ERBIN: variants seen among roughly 807,000 people sequenced by gnomAD.
The protein encoded by ERBIN is erbb2 interacting protein.
ERBIN carries 60 observed loss-of-function variants against 158.4 expected under a neutral mutation model. The ratio of observed to expected loss-of-function variants is 0.38; its 90% CI spans 0.31 to 0.47. The LOEUF (loss-of-function observed/expected upper bound fraction) is 0.47, where lower values mean the gene tolerates loss of function less well. Among genes scored for constraint, ERBIN ranks in the 20% least tolerant of loss-of-function variants. The probability of loss-of-function intolerance (pLI) is 0.99; values close to 1 mark genes in which losing one functional copy is unlikely to be tolerated. For missense variants in ERBIN, 1,610 were observed against 1,648.0 expected, an observed-to-expected ratio of 0.98 and a Z score of 0.40; for synonymous variants, 594 against 557.2, an observed-to-expected ratio of 1.07 and a Z score of -0.93.
rs769731098 is a variant in ERBIN at position 66,050,852 on chromosome 5, G to C, written c.1973G>C (p.Cys658Ser). 4.4e-6 allele frequency: 7 copies of C among 1,601,828 alleles called. No homozygotes were observed. In the Admixed American group the frequency reaches 8.7e-5, roughly 20 times the overall value. Residue 658 changes from cysteine to serine, a missense_variant, in exon 20 of 26, where the codon TGT becomes TCT. Transcript: ENST00000284037. The stretch of plus-strand genomic sequence containing the variant: ...AATAGCAATCAGAATAACAGCAATT[G>C]TTCTTCTCCATCTCGGATGTCTGAT... ...THNSNQNNSN[C>S]SSPSRMSDSV...
At chr5:65,976,209 T>TA (rs1294387987) in intron 1 of ERBIN, among the ~76,000 whole-genome samples, 3 of 152,148 alleles carry the variant, frequency 2.0e-5, no homozygotes, top group African/African-American at 7.2e-5. Flanking sequence ...CACAGTGGCT[T>TA]ACACCTATAA....
intron 14 of ERBIN, among the ~76,000 whole-genome samples, chr5:66,032,220 A>G (rs1259037423): frequency 6.6e-6 from 1 of 152,202 alleles, no homozygotes; most frequent in Non-Finnish European, 1.5e-5. Flanking sequence ...TATGCCATGC[A>G]GAGGAACCTG....
intron 18 of ERBIN, among the ~76,000 whole-genome samples, chr5:66,047,274 A>C (rs1758537430): frequency 6.6e-6 from 1 of 152,090 alleles, no homozygotes; most frequent in Non-Finnish European, 1.5e-5. Flanking sequence ...TAATGTGTTC[A>C]AGTTTTTGTA....
In ERBIN at chr5:66,026,203, TGTGAA is replaced by T. The variant is rs1290409352; in HGVS notation, c.1021-96_1021-92del. 6.4e-6 allele frequency: 5 copies of T among 782,834 alleles called. No homozygotes were observed. In the African/African-American group the frequency reaches 9.1e-5, roughly 14 times the overall value. The allele number at this position is 782,834 out of a possible 1,614,324, so 48.5% of individuals were successfully genotyped here. A position where few individuals can be genotyped will look rare whatever the true frequency, so the allele number is the denominator to read the frequency against. On this transcript the variant is annotated intron_variant, in intron 12 of 25. Transcript: ENST00000284037. ...GTCTAGTCATTATTTCTTCTATAAA[TGTGAA>T]GTATTTTTCATAACTTTCAAAAATG...
Position 65,992,909 on chromosome 5 carries a change from T to C in ERBIN, c.189+2T>C, listed in dbSNP as rs1213554425. 6.4e-7 allele frequency: 1 copy of C among 1,570,236 alleles called. No homozygotes were observed. Among genetic ancestry groups the C allele is most frequent in the African/African-American group, 1.4e-5 (1 of 72,928 alleles). ...AATCAGATTGAAGAGCTTCCAAAGG[T>C]ATGCTAATACTTTCTTTCAAGAATT... On this transcript the variant is annotated splice_donor_variant, in intron 3 of 25. Coordinates refer to ENST00000284037, the MANE Select transcript of ERBIN (RefSeq NM_001253697.2). LOFTEE classifies it high-confidence loss of function.
At chr5:65,976,221 C>T (rs2150999288) in intron 1 of ERBIN, among the ~76,000 whole-genome samples, 1 of 152,316 alleles carries the variant, frequency 6.6e-6, no homozygotes, top group Admixed American at 6.5e-5. Flanking sequence ...CACCTATAAT[C>T]CCAGCACTTT....
intron 1 of ERBIN, among the ~76,000 whole-genome samples, chr5:65,944,470 C>T (rs1469063569): frequency 2.0e-5 from 3 of 152,044 alleles, no homozygotes; most frequent in South Asian, 2.1e-4. Context: ...GGTGCAATCT[C>T]GGCTCACTGC....
At chr5:66,033,507 G>A (rs1757100651) in intron 14 of ERBIN, among the ~76,000 whole-genome samples, 3 of 152,146 alleles carry the variant, frequency 2.0e-5, no homozygotes, top group Admixed American at 2.0e-4. Flanking sequence ...GAAGGAAGAA[G>A]TTGTTAATAG....
At position 66,053,969 on chromosome 5, in the gene ERBIN, A is replaced by T; in HGVS notation, c.2651A>T (p.Tyr884Phe). The T allele has an allele frequency of 6.2e-7, 1 of 1,614,136 alleles. No homozygotes were observed. Among genetic ancestry groups the T allele is most frequent in the Non-Finnish European group, 8.5e-7 (1 of 1,180,022 alleles). ...TNMEIGGLKIYDILSDNGPQQ... is the reference protein window; with the variant it reads ...TNMEIGGLKIFDILSDNGPQQ... ...ATGGAGATTGGAGGGCTAAAAATCT[A>T]TGATATTCTTAGTGATAATGGACCT... The change falls in exon 21 of 26, where the codon TAT (tyrosine) becomes TTT (phenylalanine). Residue 884 changes from tyrosine to phenylalanine, a missense_variant. Physicochemically the swap from Tyr to Phe is conservative, Grantham distance 22. Transcript: ENST00000284037.
At chr5:66,074,533 T>G (rs1322633392) in intron 22 of ERBIN, among the ~76,000 whole-genome samples, 1 of 152,138 alleles carries the variant, frequency 6.6e-6, no homozygotes, top group African/African-American at 2.4e-5. Context: ...AAAAATAAAT[T>G]TGGAAAGAAT....
intron 1 of ERBIN, among the ~76,000 whole-genome samples, chr5:65,977,189 G>T (rs1237333880): frequency 6.9e-6 from 1 of 144,908 alleles, no homozygotes; most frequent in East Asian, 2.0e-4. Flanking sequence ...CTGGCCGGGC[G>T]GGGGGCTGAC....
intron 1 of ERBIN, among the ~76,000 whole-genome samples, chr5:65,983,998 C>G (rs909638104): frequency 6.6e-6 from 1 of 152,212 alleles, no homozygotes; most frequent in Non-Finnish European, 1.5e-5. Flanking sequence ...CCCCAGCCAG[C>G]TGCCCTTCTC....
In ERBIN at chr5:66,076,332, A is replaced by T. The variant is rs762185742; in HGVS notation, c.3980A>T (p.Glu1327Val). 1 of 1,613,376 alleles carries T rather than the reference A, an allele frequency of 6.2e-7. No homozygotes were observed. Residue 1327 changes from glutamate (E) to valine (V), a missense_variant, in exon 24 of 26, where the codon GAA becomes GTA. Physicochemically the swap from Glu to Val is moderately radical, Grantham distance 121. This residue lies in a region of ERBIN where 1,014 missense variants were observed against 936.1 expected (regional missense o/e 1.08). Coordinates refer to ENST00000284037, the MANE Select transcript of ERBIN (RefSeq NM_001253697.2). ...TTAACTCAGATTCGAGTGAGGGTTG[A>T]AAAGGATCCAGAACTTGGATTTAGC... ...LAKQEIRVRV[E>V]KDPELGFSIS...
chr5:66,009,572 T>C (rs1304265034), intron 4 of ERBIN, among the ~76,000 whole-genome samples: 1 of 152,182 alleles, frequency 6.6e-6, no homozygotes, highest in African/African-American at 2.4e-5. Context: ...TTTGGAGAGT[T>C]AAATTTCATT....
At chr5:65,944,048 G>T (rs1745424734) in intron 1 of ERBIN, among the ~76,000 whole-genome samples, 2 of 152,092 alleles carry the variant, frequency 1.3e-5, no homozygotes, top group Non-Finnish European at 2.9e-5. Context: ...ATTCATCTGT[G>T]GGTAGACACT....
At chr5:66,000,051 C>A (rs1752863654) in intron 4 of ERBIN, among the ~76,000 whole-genome samples, 1 of 152,152 alleles carries the variant, frequency 6.6e-6, no homozygotes, top group African/African-American at 2.4e-5. Flanking sequence ...CTTTAGAAGT[C>A]ATCACATCTA....
chr5:66,044,591 C>A (rs1758228058), intron 17 of ERBIN, among the ~76,000 whole-genome samples: 1 of 151,094 alleles, frequency 6.6e-6, no homozygotes, highest in Admixed American at 6.6e-5. Flanking sequence ...ATGGTGAAAC[C>A]CCATCTCAAC....
intron 25 of ERBIN, 100 bp downstream of exon 25, chr5:66,077,049 G>A: frequency 1.1e-6 from 1 of 869,634 alleles, no homozygotes; most frequent in South Asian, 1.7e-5. Context: ...TGGGTGGGAG[G>A]CTGAGGCAGG....
At chr5:66,011,403 C>T (rs1046282477) in intron 4 of ERBIN, among the ~76,000 whole-genome samples, 72 of 152,256 alleles carry the variant, frequency 4.7e-4, no homozygotes, top group African/African-American at 1.7e-3. Context: ...AAAAAACAAT[C>T]CTTGGCCTGT....
Sources: gnomAD v4.1 joint callset for allele counts (sites outside exome capture counted in the v4.1 genomes callset) on GRCh38, gnomAD v4.1.1 for gene constraint, gnomAD v4.1.1 regional missense constraint, MANE v1.5 for transcripts, NCBI Gene and HGNC (gene_info 2026-07-23, HGNC 2026-07-21) for gene names.